RYR3: variants seen among roughly 807,000 people sequenced by gnomAD.
RYR3 encodes brain ryanodine receptor-calcium release channel.
A neutral mutation model predicts 584.3 loss-of-function variants in RYR3; 207 were observed. That is an observed-to-expected ratio of 0.35 (90% CI 0.32 to 0.40). RYR3 has a LOEUF of 0.40. Among genes scored for constraint, RYR3 ranks in the 10% least tolerant of loss-of-function variants. The pLI is 1.00. For missense variants in RYR3, 5,616 were observed against 6,089.2 expected, an observed-to-expected ratio of 0.92 and a Z score of 2.59; for synonymous variants, 2,416 against 2,248.5, an observed-to-expected ratio of 1.07 and a Z score of -2.11.
At chr15:33,742,572 A>G (rs2070260530) in intron 52 of RYR3, 128 bp downstream of exon 52, 1 of 659,906 alleles carries the variant, frequency 1.5e-6, no homozygotes, top group Non-Finnish European at 2.7e-6. Context: ...AGCATTCATT[A>G]TTTCTGAGCA....
In RYR3 at chr15:33,635,732, C is replaced by T; in HGVS notation, c.3294C>T (p.Asp1098=). ...AGTTTGAAGTGGTGACTGGAGGAGA[C>T]ATGCGAGTCGGCTGGGCGAGGCCAG... The part of the protein sequence containing the change: ...YFEFEVVTGG[D]MRVGWARPGC... The change falls in exon 26 of 104, where the codon GAC becomes GAT. Residue 1098 remains aspartate, a synonymous_variant. Transcript: ENST00000634891. The T allele has an allele frequency of 1.2e-6, 2 of 1,613,950 alleles. No homozygotes were observed. Among genetic ancestry groups the T allele is most frequent in the Non-Finnish European group, 8.5e-7 (1 of 1,179,872 alleles).
At chr15:33,653,801 C>T (rs183364764) in intron 32 of RYR3, among the ~76,000 whole-genome samples, 226 of 152,288 alleles carry the variant, frequency 1.5e-3, no homozygotes, top group African/African-American at 5.3e-3. Flanking sequence ...CACAAGCAGC[C>T]TGATCTCTTC....
rs557886849 is a variant in RYR3, at chr15:33,360,700, G to C, written c.51+49604G>C. 5.1e-4 allele frequency among the ~76,000 whole-genome samples: 78 copies of C among 152,362 alleles called. 3 individuals carry two copies. The South Asian group carries it at 0.016, about 32-fold the overall frequency. ...AAGTGAAGAATTGGAGCCTTAGAGA[G>C]GGTCAGTGACATTCCCAAGAACACA... On this transcript the variant is annotated intron_variant, in intron 1 of 103. Transcript: ENST00000634891.
Position 33,838,044 on chromosome 15 carries a change from C to G in RYR3, c.12064C>G (p.Leu4022Val). The G allele has an allele frequency of 3.1e-6, 5 of 1,613,986 alleles. No homozygotes were observed. Among genetic ancestry groups the G allele is most frequent in the Non-Finnish European group, 2.5e-6 (3 of 1,179,900 alleles). ...TCTGTTGGACCCAGCAGAAAGTGTG[C>G]TAAATTACTTCGAACCCTACCTAGG... Reference protein sequence around the residue: ...KCLLDPAESVLNYFEPYLGRI... With the variant: ...KCLLDPAESVVNYFEPYLGRI... Residue 4022 changes from leucine to valine, a missense_variant, in exon 89 of 104, where the codon CTA becomes GTA. Physicochemically the swap from Leu to Val is conservative, Grantham distance 32. Transcript: ENST00000634891.
At chr15:33,825,065 A>G (rs535985036) in intron 81 of RYR3, among the ~76,000 whole-genome samples, 1 of 152,316 alleles carries the variant, frequency 6.6e-6, no homozygotes, top group East Asian at 1.9e-4. Context: ...GCGGAACCTC[A>G]GCTTCCATAG....
intron 1 of RYR3, among the ~76,000 whole-genome samples, chr15:33,442,871 T>G (rs2046343521): frequency 6.6e-6 from 1 of 152,216 alleles, no homozygotes; most frequent in African/African-American, 2.4e-5. Flanking sequence ...CAAAAGCATA[T>G]TTGCTCTTAC....
At position 33,390,248 on chromosome 15, in the gene RYR3, A is replaced by G. The variant is rs906992532; in HGVS notation, c.51+79152A>G. Among the ~76,000 whole-genome samples the G allele has an allele frequency of 6.6e-5, 10 of 152,246 alleles. No individual in the cohort carries two copies. The highest frequency in any genetic ancestry group is 2.4e-4 in the African/African-American group (10 of 41,470). ...TAGCCCATTGGTATTGTATATTTAA[A>G]GCCAACAAAATAAGAGTTTTTGTTT... On this transcript the variant is annotated intron_variant, in intron 1 of 103. Transcript: ENST00000634891. The surrounding 1 kb of genome is among the most constrained non-coding windows in gnomAD (Gnocchi z 4.2).
chr15:33,858,694 G>T (rs902928340), intron 99 of RYR3: 1 of 152,440 alleles, frequency 6.6e-6, no homozygotes, highest in Admixed American at 6.6e-5. Context: ...GTGGGGAGGG[G>T]GAGTCCCGTC....
At chr15:33,630,589 G>A (rs962799319) in intron 22 of RYR3, among the ~76,000 whole-genome samples, 2 of 152,146 alleles carry the variant, frequency 1.3e-5, no homozygotes, top group African/African-American at 2.4e-5. Context: ...TTGGCATAAC[G>A]ATGCTCCGTA....
intron 1 of RYR3, among the ~76,000 whole-genome samples, chr15:33,453,476 T>C (rs2047302245): frequency 6.6e-6 from 1 of 152,238 alleles, no homozygotes; most frequent in Non-Finnish European, 1.5e-5. Context: ...GAAAGTCTTA[T>C]ATATTGATTG....
At chr15:33,399,571 G>A (rs1293046894) in intron 1 of RYR3, among the ~76,000 whole-genome samples, 1 of 152,144 alleles carries the variant, frequency 6.6e-6, no homozygotes, top group Admixed American at 6.5e-5. Flanking sequence ...CCGAGAAGCG[G>A]AGGTAGCAGT....
chr15:33,480,418 T>TA (rs1266719064), intron 2 of RYR3, among the ~76,000 whole-genome samples: 1 of 152,240 alleles, frequency 6.6e-6, no homozygotes, highest in Non-Finnish European at 1.5e-5. Flanking sequence ...GTGCTATATT[T>TA]AAGCAGTAGC....
chr15:33,857,730 A>C, intron 98 of RYR3, 50 bp from the exon 99 acceptor site: 3 of 1,608,862 alleles, frequency 1.9e-6, no homozygotes, highest in Non-Finnish European at 2.5e-6. Flanking sequence ...GAACCTTTCA[A>C]GGTAGAGAAG....
At chr15:33,851,948 T>C (rs993568325) in intron 94 of RYR3, 1 of 152,160 alleles carries the variant, frequency 6.6e-6, no homozygotes, top group Non-Finnish European at 1.5e-5. Flanking sequence ...ACACCAGCAT[T>C]TGTTTTTGCT....
chr15:33,580,780 C>T (rs113680788), intron 13 of RYR3, among the ~76,000 whole-genome samples: 3 of 152,224 alleles, frequency 2.0e-5, no homozygotes, highest in African/African-American at 7.2e-5. Flanking sequence ...GGGCACAGGG[C>T]TTGTCCCTTG....
chr15:33,317,665 C>T (rs976457165), intron 1 of RYR3, among the ~76,000 whole-genome samples: 1 of 152,116 alleles, frequency 6.6e-6, no homozygotes, highest in Non-Finnish European at 1.5e-5. Context: ...CTGTTTATGT[C>T]ATTTCTGATT....
At chr15:33,714,581 A>G (rs2067360119) in intron 43 of RYR3, among the ~76,000 whole-genome samples, 2 of 152,196 alleles carry the variant, frequency 1.3e-5, no homozygotes, top group African/African-American at 4.8e-5. Context: ...GACTCTGAGA[A>G]GGAAAAGGTT....
chr15:33,550,105 T>C, intron 9 of RYR3, 55 bp from the exon 10 acceptor site: 1 of 1,566,556 alleles, frequency 6.4e-7, no homozygotes, highest in Non-Finnish European at 8.7e-7. Flanking sequence ...GGATAAATAC[T>C]GAAAAGGACT....
At chr15:33,476,185 A>C (rs755923207) in intron 2 of RYR3, among the ~76,000 whole-genome samples, 7 of 152,200 alleles carry the variant, frequency 4.6e-5, no homozygotes, top group Non-Finnish European at 7.3e-5. Flanking sequence ...TTCTATAAAC[A>C]TGTCTCTGTA....
Sources: allele counts gnomAD v4.1 joint callset (sites outside exome capture counted in the v4.1 genomes callset), GRCh38; gene constraint gnomAD v4.1.1; non-coding constraint Gnocchi (gnomAD v3.1); transcripts MANE v1.5; gene names NCBI Gene and HGNC (gene_info 2026-07-23, HGNC 2026-07-21).